Variants in CFAP54 observed in about 807,000 individuals in gnomAD.
CFAP54 encodes the protein cilia and flagella associated protein 54, also known as cilia- and flagella-associated protein 54.
Under a neutral mutation model 370.4 loss-of-function variants are expected in CFAP54, and 290 were observed. The observed-to-expected ratio is 0.78, with a 90% CI of 0.71 to 0.86. The LOEUF (loss-of-function observed/expected upper bound fraction) is 0.86, where lower values mean the gene tolerates loss of function less well. Ranked by LOEUF, CFAP54 falls within the 40% of genes least tolerant of loss-of-function variation. The pLI, the probability that CFAP54 is intolerant of heterozygous loss-of-function variation, is 0.00. For missense variants in CFAP54, 3,399 were observed against 3,528.7 expected (o/e 0.96, Z 0.93); for synonymous variants, 1,206 against 1,236.5 (o/e 0.98, Z 0.52).
chr12:96,809,943 T>C (rs73383047), intron 63 of CFAP54, among the ~76,000 whole-genome samples: 4,680 of 152,230 alleles, frequency 0.031, 238 homozygotes, highest in African/African-American at 0.1. Flanking sequence ...TTAATTCCAA[T>C]GTTTTTAGTA....
chr12:96,873,519 G>A (rs1960216590), intron 67 of CFAP54, among the ~76,000 whole-genome samples: 1 of 152,120 alleles, frequency 6.6e-6, no homozygotes, highest in Admixed American at 6.6e-5. Flanking sequence ...CCCCTTCCTT[G>A]TGACATTTTG....
At chr12:96,848,431 G>T (rs565526473) in intron 66 of CFAP54, among the ~76,000 whole-genome samples, 1 of 152,272 alleles carries the variant, frequency 6.6e-6, no homozygotes, top group South Asian at 2.1e-4. Context: ...GGGTGCAGTG[G>T]CTCACGCCTG....
At chr12:96,790,095 TC>T (rs1306482193) in intron 62 of CFAP54, among the ~76,000 whole-genome samples, 2 of 152,212 alleles carry the variant, frequency 1.3e-5, no homozygotes, top group Non-Finnish European at 2.9e-5. Flanking sequence ...CTGCATGTTG[TC>T]AAGTCTTTCG....
At chr12:96,728,352 A>G (rs574035827) in intron 50 of CFAP54, among the ~76,000 whole-genome samples, 2 of 151,976 alleles carry the variant, frequency 1.3e-5, no homozygotes, top group Admixed American at 6.6e-5. Flanking sequence ...ATAGTCCCAT[A>G]TTTCTTGGAG....
At chr12:96,746,411 A>G (rs771391967) in intron 55 of CFAP54, among the ~76,000 whole-genome samples, 5 of 152,032 alleles carry the variant, frequency 3.3e-5, no homozygotes, top group Non-Finnish European at 7.4e-5. Flanking sequence ...GGACCAGAGA[A>G]ATCACTCTTG....
intron 65 of CFAP54, among the ~76,000 whole-genome samples, chr12:96,824,581 C>G (rs879479866): frequency 1.3e-5 from 2 of 151,970 alleles, no homozygotes; most frequent in Non-Finnish European, 2.9e-5. Context: ...TGTATGTTCC[C>G]CTCTATCTGG....
intron 32 of CFAP54, among the ~76,000 whole-genome samples, chr12:96,637,399 T>C (rs1249446095): frequency 6.6e-6 from 1 of 152,214 alleles, no homozygotes; most frequent in African/African-American, 2.4e-5. Flanking sequence ...TCATTTCTCT[T>C]GGGTACCTAC....
At chr12:96,866,691 ATTTCT>A (rs1036074512) in intron 67 of CFAP54, among the ~76,000 whole-genome samples, 2 of 152,152 alleles carry the variant, frequency 1.3e-5, no homozygotes, top group African/African-American at 4.8e-5. Context: ...TATTGGACTG[ATTTCT>A]TTTCTTATCA....
At chr12:96,874,976 C>T (rs1424516927) in intron 67 of CFAP54, 142 bp from the exon 68 acceptor site, 1 of 152,076 alleles carries the variant, frequency 6.6e-6, no homozygotes, top group African/African-American at 2.4e-5. Flanking sequence ...TTAGTGACTC[C>T]ATTATGGTTT....
intron 66 of CFAP54, among the ~76,000 whole-genome samples, chr12:96,835,050 G>T (rs2136766040): frequency 6.6e-6 from 1 of 152,194 alleles, no homozygotes; most frequent in East Asian, 1.9e-4. Context: ...GCAACTCTCA[G>T]CAGAGAGGAG....
intron 40 of CFAP54, 93 bp downstream of exon 40, chr12:96,679,845 C>T (rs565055919): frequency 1.2e-5 from 15 of 1,268,290 alleles, no homozygotes; most frequent in Admixed American, 1.9e-5. Context: ...CTTCCCTCCC[C>T]GTGTACATGC....
At chr12:96,650,435 C>A (rs1197222036) in intron 35 of CFAP54, among the ~76,000 whole-genome samples, 1 of 152,162 alleles carries the variant, frequency 6.6e-6, no homozygotes, top group Non-Finnish European at 1.5e-5. Flanking sequence ...GACTTGATCT[C>A]TCTTGGGGGT....
chr12:96,844,448 C>T (rs1959280644), intron 66 of CFAP54, among the ~76,000 whole-genome samples: 1 of 152,246 alleles, frequency 6.6e-6, no homozygotes, highest in East Asian at 1.9e-4. Context: ...TTAGAGCCTC[C>T]AGAAGGAACC....
chr12:96,768,962 A>G (rs1437886944), intron 60 of CFAP54, among the ~76,000 whole-genome samples: 1 of 152,186 alleles, frequency 6.6e-6, no homozygotes, highest in Non-Finnish European at 1.5e-5. Flanking sequence ...TGGACTATAG[A>G]TCATCCTGCC....
At chr12:96,625,148 A>G (rs546029035) in intron 28 of CFAP54, among the ~76,000 whole-genome samples, 1 of 152,328 alleles carries the variant, frequency 6.6e-6, no homozygotes, top group South Asian at 2.1e-4. Context: ...TACAAAATAT[A>G]CTATTTTTAT....
intron 66 of CFAP54, among the ~76,000 whole-genome samples, chr12:96,834,753 G>A (rs534020103): frequency 5.9e-5 from 9 of 152,176 alleles, no homozygotes; most frequent in Non-Finnish European, 8.8e-5. Flanking sequence ...GCAACATGGC[G>A]AGCAAAGGTC....
intron 20 of CFAP54, among the ~76,000 whole-genome samples, chr12:96,577,786 C>T (rs1196711248): frequency 6.6e-6 from 1 of 152,034 alleles, no homozygotes; most frequent in Admixed American, 6.6e-5. Context: ...ATGGGCTAAG[C>T]GCGATGGCTC....
chr12:96,557,440 A>G (rs1019799332), intron 17 of CFAP54, among the ~76,000 whole-genome samples: 1 of 152,204 alleles, frequency 6.6e-6, no homozygotes, highest in African/African-American at 2.4e-5. Context: ...TCATAGGTAC[A>G]TACCCTGTAA....
intron 26 of CFAP54, among the ~76,000 whole-genome samples, chr12:96,600,329 G>A (rs572409720): frequency 7.0e-4 from 105 of 149,210 alleles, no homozygotes; most frequent in African/African-American, 2.3e-3. Flanking sequence ...TGTTATTTCT[G>A]AGTCCATTGG....
Sources: gnomAD v4.1 joint callset for allele counts (sites outside exome capture counted in the v4.1 genomes callset) on GRCh38, gnomAD v4.1.1 for gene constraint, MANE v1.5 for transcripts, NCBI Gene and HGNC (gene_info 2026-07-23, HGNC 2026-07-21) for gene names.